The following RGL1 variants were observed in gnomAD, a reference collection of about 807,000 sequenced individuals.
The protein encoded by RGL1 is ral guanine nucleotide dissociation stimulator like 1.
In RGL1, 24 loss-of-function variants were observed where a neutral mutation model predicts 95.2. The observed-to-expected ratio is 0.25, with a 90% CI of 0.18 to 0.35. The LOEUF (loss-of-function observed/expected upper bound fraction) is 0.35, where lower values mean the gene tolerates loss of function less well. Ranked by LOEUF, RGL1 falls within the 10% of genes least tolerant of loss-of-function variation. RGL1 has a pLI of 1.00. For synonymous variants in RGL1, 329 were observed against 344.9 expected, an observed-to-expected ratio of 0.95 and a Z score of 0.51; for missense variants, 715 against 936.3, an observed-to-expected ratio of 0.76 and a Z score of 3.08.
chr1:183,658,139 T>G (rs1651319745), intron 1 of RGL1, among the ~76,000 whole-genome samples: 1 of 152,250 alleles, frequency 6.6e-6, no homozygotes, highest in Non-Finnish European at 1.5e-5. Context: ...ACGCAGAAGA[T>G]GGCTGATTTC....
chr1:183,743,993 G>GGCA (rs1437594298), intron 2 of RGL1, among the ~76,000 whole-genome samples: 7 of 152,160 alleles, frequency 4.6e-5, no homozygotes, highest in Non-Finnish European at 8.8e-5. Flanking sequence ...TGCCAATCCT[G>GGCA]GCACAAATTC....
At chr1:183,758,433 G>T (rs1658478968) in intron 2 of RGL1, among the ~76,000 whole-genome samples, 1 of 152,068 alleles carries the variant, frequency 6.6e-6, no homozygotes, top group Non-Finnish European at 1.5e-5. Context: ...TCCTGACCTT[G>T]TGATCCACCC....
intron 1 of RGL1, among the ~76,000 whole-genome samples, chr1:183,703,033 T>G (rs1452435353): frequency 6.6e-6 from 1 of 152,136 alleles, no homozygotes; most frequent in Non-Finnish European, 1.5e-5. Context: ...TTCCGGCCAG[T>G]TCTCTTCCTG....
rs1651906113 is a variant in RGL1 at position 183,664,617 on chromosome 1, T to C, written c.-33+28116T>C. Among the ~76,000 whole-genome samples the C allele has an allele frequency of 3.3e-5, 5 of 152,004 alleles. No individual in the cohort carries two copies. The South Asian group carries it at 1.0e-3, about 32-fold the overall frequency. ...CCATAATCCTGCTATCGCATCCTAC[T>C]TTTTGAGCAAAATAAAATAATTTCA... On this transcript the variant is annotated intron_variant, in intron 1 of 18. Transcript: ENST00000304685.
At chr1:183,827,647 C>T (rs1257206924) in intron 2 of RGL1, among the ~76,000 whole-genome samples, 1 of 152,248 alleles carries the variant, frequency 6.6e-6, no homozygotes, top group Non-Finnish European at 1.5e-5. Context: ...GAGGCGTAGC[C>T]TGACCTCCTA....
At chr1:183,814,667 G>A (rs1239556771) in intron 2 of RGL1, among the ~76,000 whole-genome samples, 2 of 152,166 alleles carry the variant, frequency 1.3e-5, no homozygotes, top group Non-Finnish European at 2.9e-5. Context: ...CCAAGGCTGA[G>A]TATTTCCAGT....
intron 1 of RGL1, among the ~76,000 whole-genome samples, chr1:183,714,284 G>GAACAAT (rs1289669493): frequency 6.6e-6 from 1 of 152,166 alleles, no homozygotes; most frequent in East Asian, 1.9e-4. Flanking sequence ...CCATGCCAGA[G>GAACAAT]AACAATGCAG....
At chr1:183,674,100 G>A (rs1158185998) in intron 1 of RGL1, among the ~76,000 whole-genome samples, 1 of 152,034 alleles carries the variant, frequency 6.6e-6, no homozygotes, top group Non-Finnish European at 1.5e-5. Flanking sequence ...TTTCCACAAA[G>A]GACTCGCTTT....
chr1:183,786,034 CACTACTCT>C (rs1195962236), intron 2 of RGL1, among the ~76,000 whole-genome samples: 1 of 151,816 alleles, frequency 6.6e-6, no homozygotes, highest in Non-Finnish European at 1.5e-5. Context: ...GCTGTGATTG[CACTACTCT>C]ACTCCAGCCT....
chr1:183,733,210 T>C (rs1050454694), intron 1 of RGL1, among the ~76,000 whole-genome samples: 3 of 152,156 alleles, frequency 2.0e-5, no homozygotes, highest in Admixed American at 2.0e-4. Flanking sequence ...TGTATCTTCT[T>C]GAGTATACAT....
intron 11 of RGL1, 36 bp downstream of exon 11, chr1:183,900,272 G>A: frequency 6.6e-7 from 1 of 1,526,174 alleles, no homozygotes; most frequent in Non-Finnish European, 9.1e-7. Context: ...CGGGCCTGCA[G>A]CCTTCCCACT....
chr1:183,637,300 A>G (rs1048524200), intron 1 of RGL1, among the ~76,000 whole-genome samples: 3 of 152,210 alleles, frequency 2.0e-5, no homozygotes, highest in African/African-American at 7.2e-5. Context: ...CCTAGAAGAG[A>G]TGGAAAGATT....
intron 9 of RGL1, among the ~76,000 whole-genome samples, chr1:183,896,940 T>C (rs1321660691): frequency 1.3e-5 from 2 of 152,184 alleles, no homozygotes; most frequent in African/African-American, 4.8e-5. Flanking sequence ...GTTCGACTTT[T>C]ATGGATTGGT....
chr1:183,907,545 C>G (rs1386592519), intron 14 of RGL1, among the ~76,000 whole-genome samples: 1 of 152,234 alleles, frequency 6.6e-6, no homozygotes, highest in Non-Finnish European at 1.5e-5. Flanking sequence ...ACATTGCCCT[C>G]TGTTCACCAG....
At chr1:183,814,300 A>AAT in intron 2 of RGL1, among the ~76,000 whole-genome samples, 1 of 152,116 alleles carries the variant, frequency 6.6e-6, no homozygotes, top group African/African-American at 2.4e-5. Flanking sequence ...TATGTTTCCC[A>AAT]ATGCTTTGGG....
At chr1:183,682,635 T>C (rs1208937844) in intron 1 of RGL1, among the ~76,000 whole-genome samples, 1 of 152,238 alleles carries the variant, frequency 6.6e-6, no homozygotes, top group Non-Finnish European at 1.5e-5. Flanking sequence ...GAGAAGAATG[T>C]ATATTCTGTT....
At chr1:183,745,163 G>C (rs1251794036) in intron 2 of RGL1, among the ~76,000 whole-genome samples, 1 of 152,060 alleles carries the variant, frequency 6.6e-6, no homozygotes, top group African/African-American at 2.4e-5. Flanking sequence ...TGGCCATTTA[G>C]TTTTCTGTGA....
At chr1:183,908,206 T>C (rs1197489311) in intron 14 of RGL1, among the ~76,000 whole-genome samples, 1 of 152,150 alleles carries the variant, frequency 6.6e-6, no homozygotes, top group African/African-American at 2.4e-5. Flanking sequence ...GCATTTGATA[T>C]TTCCCAGCAC....
intron 3 of RGL1, among the ~76,000 whole-genome samples, chr1:183,853,588 T>A (rs910412252): frequency 1.3e-5 from 2 of 152,242 alleles, no homozygotes; most frequent in Non-Finnish European, 2.9e-5. Flanking sequence ...GAGAAGAGAC[T>A]AATTCAGTAG....
Sources: allele counts gnomAD v4.1 joint callset (sites outside exome capture counted in the v4.1 genomes callset), GRCh38; gene constraint gnomAD v4.1.1; transcripts MANE v1.5; gene names NCBI Gene and HGNC (gene_info 2026-07-23, HGNC 2026-07-21).